PCDH11X: variants seen among roughly 807,000 people sequenced by gnomAD.
PCDH11X encodes protocadherin-11 X-linked.
In PCDH11X, 18 loss-of-function variants were observed where a neutral mutation model predicts 53.3. The observed-to-expected ratio is 0.34, with a 90% CI of 0.23 to 0.50. The LOEUF is 0.50. PCDH11X is among the 20% of genes least tolerant of loss of function. PCDH11X has a pLI of 0.98. For missense variants in PCDH11X, 570 were observed against 1,032.4 expected, an observed-to-expected ratio of 0.55 and a Z score of 6.14; for synonymous variants, 279 against 393.3, an observed-to-expected ratio of 0.71 and a Z score of 3.44.
intron 6 of PCDH11X, among the ~76,000 whole-genome samples, chrX:92,159,132 T>A: frequency 9.0e-6 from 1 of 111,659 alleles, no homozygotes; most frequent in African/African-American, 3.3e-5. Flanking sequence ...TATTAAAAAG[T>A]AAAGAAACTT....
intron 6 of PCDH11X, among the ~76,000 whole-genome samples, chrX:92,102,864 T>C (rs2064290443): frequency 8.9e-6 from 1 of 111,794 alleles, no homozygotes; most frequent in African/African-American, 3.3e-5. Flanking sequence ...GTAAGGCTTG[T>C]CTGGTTTTAG....
chrX:91,948,623 C>G (rs2023888), intron 6 of PCDH11X, among the ~76,000 whole-genome samples: 13,215 of 108,883 alleles, frequency 0.12, 800 homozygotes, highest in East Asian at 0.23. Flanking sequence ...ATTTATAACA[C>G]TTGTTAAATA....
chrX:92,397,170 T>TA lies in PCDH11X; in HGVS notation c.3343+9245dup, dbSNP rs773564971. ...TATAGGACAATATTATTGAAGCATGTAAAAAAAACAGTGAGTTTTAATTAA... is the reference window on the plus strand; with the variant it reads ...TATAGGACAATATTATTGAAGCATGTAAAAAAAAACAGTGAGTTTTAATTAA... On this transcript the variant is annotated intron_variant, in intron 9 of 10. Coordinates refer to ENST00000682573, the MANE Select transcript of PCDH11X (RefSeq NM_032968.5). Among the ~76,000 whole-genome samples, 37 of 66,138 alleles carry TA rather than the reference T, an allele frequency of 5.6e-4. 2 individuals carry two copies. In the East Asian group the frequency reaches 9.6e-3, roughly 17 times the overall value. 57.4% of individuals were successfully genotyped at this position (66,138 alleles called of 115,157 possible).
At chrX:92,138,325 A>C (rs2065117062) in intron 6 of PCDH11X, among the ~76,000 whole-genome samples, 1 of 110,628 alleles carries the variant, frequency 9.0e-6, no homozygotes, top group African/African-American at 3.3e-5. Context: ...ATGTTCTATA[A>C]AGGCTTTTTT....
chrX:92,131,963 T>G (rs2064979370), intron 6 of PCDH11X, among the ~76,000 whole-genome samples: 1 of 108,802 alleles, frequency 9.2e-6, no homozygotes, highest in African/African-American at 3.3e-5. Flanking sequence ...GGGCACTGGC[T>G]TTTTTAGCTT....
intron 6 of PCDH11X, among the ~76,000 whole-genome samples, chrX:91,929,392 A>G (rs1942050679): frequency 9.1e-6 from 1 of 110,459 alleles, no homozygotes; most frequent in Non-Finnish European, 1.9e-5. Context: ...CTTGAACATA[A>G]CACAAGAGCC....
intron 6 of PCDH11X, among the ~76,000 whole-genome samples, chrX:91,930,602 T>G: frequency 9.3e-6 from 1 of 107,474 alleles, no homozygotes; most frequent in Non-Finnish European, 1.9e-5. Context: ...AAAAAAAACT[T>G]TGGGGTACAA....
intron 6 of PCDH11X, among the ~76,000 whole-genome samples, chrX:92,029,239 G>A (rs1352439939): frequency 9.0e-6 from 1 of 111,229 alleles, no homozygotes; most frequent in Non-Finnish European, 1.9e-5. Flanking sequence ...CAAAGTTTTC[G>A]AAGATTATAT....
intron 10 of PCDH11X, among the ~76,000 whole-genome samples, chrX:92,545,757 T>A: frequency 9.0e-6 from 1 of 111,162 alleles, no homozygotes; most frequent in East Asian, 2.8e-4. Flanking sequence ...ACAGTTCTGT[T>A]TTTATGAGTA....
chrX:91,823,548 T>C (rs1171431121), intron 4 of PCDH11X, among the ~76,000 whole-genome samples: 3 of 111,542 alleles, frequency 2.7e-5, no homozygotes, highest in Admixed American at 9.6e-5. Context: ...TCTATCCTTT[T>C]ATTTTGAGCC....
intron 6 of PCDH11X, among the ~76,000 whole-genome samples, chrX:92,073,184 T>C (rs1459484561): frequency 8.9e-6 from 1 of 111,806 alleles, no homozygotes; most frequent in Non-Finnish European, 1.9e-5. Flanking sequence ...GGGGGAAGGG[T>C]GGCATCAGTG....
At chrX:92,159,595 T>C (rs1416515659) in intron 6 of PCDH11X, among the ~76,000 whole-genome samples, 4 of 94,021 alleles carry the variant, frequency 4.3e-5, no homozygotes, top group Non-Finnish European at 8.8e-5. Flanking sequence ...TAATTGGTGG[T>C]AAACTTAACC....
intron 8 of PCDH11X, among the ~76,000 whole-genome samples, chrX:92,344,420 T>C (rs2069839695): frequency 2.0e-5 from 2 of 101,029 alleles, no homozygotes; most frequent in African/African-American, 7.2e-5. Flanking sequence ...AGAAGCATAA[T>C]CTGTATCTTC....
At chrX:92,421,765 A>G (rs1008446724) in intron 9 of PCDH11X, among the ~76,000 whole-genome samples, 2 of 111,677 alleles carry the variant, frequency 1.8e-5, no homozygotes, top group Non-Finnish European at 3.8e-5. Flanking sequence ...CAACATTGTG[A>G]GTATCTCATT....
intron 10 of PCDH11X, chrX:92,569,790 G>A: frequency 5.0e-6 from 1 of 200,336 alleles, no homozygotes; most frequent in South Asian, 5.8e-5. Flanking sequence ...GGCCGAGGTG[G>A]GCAGATCAGG....
At chrX:92,187,622 G>A (rs1251435576) in intron 6 of PCDH11X, among the ~76,000 whole-genome samples, 3 of 111,281 alleles carry the variant, frequency 2.7e-5, no homozygotes, top group Non-Finnish European at 3.8e-5. Context: ...AAATTATTAC[G>A]TTCTCCTGTT....
intron 9 of PCDH11X, among the ~76,000 whole-genome samples, chrX:92,411,037 A>G (rs2071634688): frequency 9.1e-6 from 1 of 109,619 alleles, no homozygotes; most frequent in Non-Finnish European, 1.9e-5. Flanking sequence ...GGAAGTAAAT[A>G]AAGTCAACAG....
At chrX:91,882,132 T>C (rs1179160594) in intron 6 of PCDH11X, among the ~76,000 whole-genome samples, 2 of 111,003 alleles carry the variant, frequency 1.8e-5, no homozygotes, top group African/African-American at 6.5e-5. Context: ...ATTTATTAGA[T>C]AGGAGTACAT....
intron 8 of PCDH11X, among the ~76,000 whole-genome samples, chrX:92,292,668 C>T (rs752061943): frequency 2.7e-5 from 3 of 111,492 alleles, no homozygotes; most frequent in African/African-American, 9.8e-5. Context: ...TGTTGGTGCC[C>T]TACACCACTG....
Sources: allele counts gnomAD v4.1 joint callset (sites outside exome capture counted in the v4.1 genomes callset), GRCh38; gene constraint gnomAD v4.1.1; transcripts MANE v1.5; gene names NCBI Gene and HGNC (gene_info 2026-07-23, HGNC 2026-07-21).